Variants in PRKCE observed in about 807,000 individuals in gnomAD.
PRKCE encodes protein kinase C epsilon, also known as protein kinase C epsilon type.
Under a neutral mutation model 85.4 loss-of-function variants are expected in PRKCE, and 16 were observed. That is an observed-to-expected ratio of 0.19 (90% CI 0.13 to 0.28). PRKCE has a LOEUF of 0.28. Ranked by LOEUF, PRKCE falls within the 10% of genes least tolerant of loss-of-function variation. The pLI is 1.00. For missense variants in PRKCE, 573 were observed against 975.2 expected (o/e 0.59, Z 5.49); for synonymous variants, 388 against 371.5 (o/e 1.04, Z -0.51).
intron 11 of PRKCE, among the ~76,000 whole-genome samples, chr2:46,121,829 G>A (rs1311355309): frequency 6.6e-6 from 1 of 152,178 alleles, no homozygotes; most frequent in Non-Finnish European, 1.5e-5. Flanking sequence ...GTCAAGATCT[G>A]ATCATGGAGA....
intron 11 of PRKCE, among the ~76,000 whole-genome samples, chr2:46,122,034 G>C (rs542382938): frequency 5.3e-5 from 8 of 151,954 alleles, no homozygotes; most frequent in African/African-American, 1.7e-4. Flanking sequence ...ACAGTTCTTA[G>C]ATATTAATGA....
chr2:45,846,310 A>T (rs903199783), intron 2 of PRKCE, among the ~76,000 whole-genome samples: 2 of 152,212 alleles, frequency 1.3e-5, no homozygotes, highest in African/African-American at 4.8e-5. Context: ...TAATGTGGCA[A>T]TGCCCCATGA....
intron 2 of PRKCE, among the ~76,000 whole-genome samples, chr2:45,896,956 T>C (rs541969875): frequency 1.3e-5 from 2 of 152,264 alleles, no homozygotes; most frequent in South Asian, 4.1e-4. Context: ...TTTCCGCCTG[T>C]AGTCCTAGCT....
At chr2:45,717,387 C>T (rs6745377) in intron 1 of PRKCE, among the ~76,000 whole-genome samples, 3 of 152,188 alleles carry the variant, frequency 2.0e-5, no homozygotes, top group Non-Finnish European at 2.9e-5. Flanking sequence ...TATCTCCCTA[C>T]CCATCACCTA....
chr2:46,055,456 A>T (rs1176268151), intron 10 of PRKCE, among the ~76,000 whole-genome samples: 1 of 152,242 alleles, frequency 6.6e-6, no homozygotes, highest in Non-Finnish European at 1.5e-5. Flanking sequence ...ACCCTGGTTC[A>T]ATTCAATCTC....
At chr2:46,062,829 A>G (rs907116261) in intron 10 of PRKCE, among the ~76,000 whole-genome samples, 4 of 151,984 alleles carry the variant, frequency 2.6e-5, no homozygotes, top group East Asian at 1.9e-4. Context: ...TTGTTTCGCT[A>G]TGTTGGCCAG....
chr2:45,813,573 C>G (rs1046104059), intron 1 of PRKCE, among the ~76,000 whole-genome samples: 1 of 152,156 alleles, frequency 6.6e-6, no homozygotes, highest in Non-Finnish European at 1.5e-5. Flanking sequence ...TGGGAGACAA[C>G]CCTCGTCTTT....
chr2:46,056,297 T>C (rs1386993738), intron 10 of PRKCE, among the ~76,000 whole-genome samples: 3 of 151,846 alleles, frequency 2.0e-5, no homozygotes, highest in African/African-American at 7.3e-5. Context: ...GTTTCAGATC[T>C]CTCTCCTCCA....
At chr2:45,655,771 G>A (rs1037701901) in intron 1 of PRKCE, among the ~76,000 whole-genome samples, 2 of 148,242 alleles carry the variant, frequency 1.3e-5, no homozygotes, top group Admixed American at 6.9e-5. Context: ...AGGAGTTCAA[G>A]GCTGCAGTGT....
rs1434919828 is a variant in PRKCE, at chr2:45,905,554, G to A, written c.412+62491G>A. Among the ~76,000 whole-genome samples, 1 of 152,228 alleles carries A rather than the reference G, an allele frequency of 6.6e-6. No homozygotes were observed. Among genetic ancestry groups the A allele is most frequent in the African/African-American group, 2.4e-5 (1 of 41,456 alleles). ...GCTTAAGCACATTGGAGCCCTGTGA[G>A]CTTTCCTAAAAGCTGGGCAAAGCAG... On this transcript the variant is annotated intron_variant, in intron 2 of 14. Transcript: ENST00000306156. This position sits in a 1 kb window ranked among gnomAD's most constrained non-coding sequence, Gnocchi z 4.4.
intron 11 of PRKCE, among the ~76,000 whole-genome samples, chr2:46,123,638 A>G (rs554877395): frequency 7.0e-4 from 107 of 152,272 alleles, no homozygotes; most frequent in Non-Finnish European, 1.4e-3. Context: ...ACAGGCGTGC[A>G]CCACCATGCC....
At chr2:45,890,385 C>T (rs753619977) in intron 2 of PRKCE, among the ~76,000 whole-genome samples, 18 of 151,956 alleles carry the variant, frequency 1.2e-4, no homozygotes, top group Middle Eastern at 3.4e-3. Flanking sequence ...CTTTTCAAAA[C>T]TTTTGTGTGT....
rs1422722756 is a variant in PRKCE at position 46,151,124 on chromosome 2, T to C, written c.1815T>C (p.Pro605=). The C allele has an allele frequency of 6.3e-7, 1 of 1,599,512 alleles. No homozygotes were observed. The highest frequency in any genetic ancestry group is 1.1e-5 in the South Asian group (1 of 91,060). The change falls in exon 13 of 15, where the codon CCT becomes CCC. Residue 605 remains proline (P), a synonymous_variant. Coordinates refer to ENST00000306156, the MANE Select transcript of PRKCE (RefSeq NM_005400.3). ...TGTACGAGATGATGGCTGGACAGCCTCCCTTTGAGGCCGACAATGAGGACG... is the reference window on the plus strand; with the variant it reads ...TGTACGAGATGATGGCTGGACAGCCCCCCTTTGAGGCCGACAATGAGGACG... ...VLMYEMMAGQ[P]PFEADNEDDL... is the part of the protein sequence containing the mutation.
At chr2:45,936,850 AG>A (rs2104139359) in intron 2 of PRKCE, among the ~76,000 whole-genome samples, 1 of 152,248 alleles carries the variant, frequency 6.6e-6, no homozygotes, top group Admixed American at 6.5e-5. Flanking sequence ...AACCTACCGC[AG>A]GTATGTGTTC....
intron 2 of PRKCE, among the ~76,000 whole-genome samples, chr2:45,897,906 G>C (rs890274617): frequency 1.3e-5 from 2 of 152,146 alleles, no homozygotes; most frequent in Non-Finnish European, 2.9e-5. Context: ...GAGACACCCG[G>C]ATAAACTGCT....
chr2:46,101,881 A>C (rs1671272054), intron 11 of PRKCE, among the ~76,000 whole-genome samples: 2 of 126,022 alleles, frequency 1.6e-5, no homozygotes, highest in African/African-American at 5.4e-5. Flanking sequence ...AAAAAAAAAA[A>C]AACCCAAAAC....
At chr2:46,125,560 C>T (rs538008351) in intron 11 of PRKCE, among the ~76,000 whole-genome samples, 25 of 152,316 alleles carry the variant, frequency 1.6e-4, no homozygotes, top group African/African-American at 5.8e-4. Context: ...GTTAACCATA[C>T]ATCATCAGGA....
At position 46,010,317 on chromosome 2, in the gene PRKCE, T is replaced by C. The variant is rs887198929; in HGVS notation, c.1264-27T>C. 8.3e-6 allele frequency: 13 copies of C among 1,575,294 alleles called. No homozygotes were observed. The African/African-American group carries it at 1.5e-4, about 18-fold the overall frequency. On this transcript the variant is annotated intron_variant, in intron 9 of 14. Coordinates refer to ENST00000306156, the MANE Select transcript of PRKCE (RefSeq NM_005400.3). ...TCTTTTTATTCCATACATGCATAGA[T>C]TGATGGAGGCAATTGATTGATTGCA...
At chr2:45,947,704 A>G (rs1700334603) in intron 2 of PRKCE, among the ~76,000 whole-genome samples, 1 of 151,990 alleles carries the variant, frequency 6.6e-6, no homozygotes, top group Non-Finnish European at 1.5e-5. Flanking sequence ...TCAGTTTGAT[A>G]TTTTGCTTAA....
Sources: gnomAD v4.1 joint callset for allele counts (sites outside exome capture counted in the v4.1 genomes callset) on GRCh38, gnomAD v4.1.1 for gene constraint, Gnocchi (gnomAD v3.1) non-coding constraint, MANE v1.5 for transcripts, NCBI Gene and HGNC (gene_info 2026-07-23, HGNC 2026-07-21) for gene names.